Variants in MAF observed in about 807,000 individuals in gnomAD.
The protein encoded by MAF is MAF bZIP transcription factor.
MAF carries 10 observed loss-of-function variants against 22.0 expected under a neutral mutation model. That is an observed-to-expected ratio of 0.45 (90% CI 0.28 to 0.77). MAF has a LOEUF of 0.77. Among genes scored for constraint, MAF ranks in the 30% least tolerant of loss-of-function variants. The pLI, the probability that MAF is intolerant of heterozygous loss-of-function variation, is 0.12. For synonymous variants in MAF, 337 were observed against 255.8 expected (o/e 1.32, Z -3.03); for missense variants, 544 against 548.4 (o/e 0.99, Z 0.08).
chr16:79,204,752 A>T, the MAF span: 1 of 152,126 alleles, frequency 6.6e-6, no homozygotes, highest in Non-Finnish European at 1.5e-5. Context: ...ATGGCTTTGG[A>T]CGCCTTTGGG....
chr16:79,526,154 G>C, the MAF span, among the ~76,000 whole-genome samples: 9 of 152,168 alleles, frequency 5.9e-5, no homozygotes, highest in Non-Finnish European at 1.2e-4. Flanking sequence ...CTGAGAAATG[G>C]CGTTAGACCA....
chr16:79,203,871 G>C, the MAF span: 1 of 152,148 alleles, frequency 6.6e-6, no homozygotes, highest in Admixed American at 6.5e-5. Context: ...ACACGAGCTA[G>C]CTATAACCAT....
chr16:79,272,161 C>T, the MAF span, among the ~76,000 whole-genome samples: 3 of 152,204 alleles, frequency 2.0e-5, no homozygotes, highest in East Asian at 1.9e-4. Flanking sequence ...CTGATGAAAA[C>T]GTTCAGCTTG....
the MAF span, among the ~76,000 whole-genome samples, chr16:79,503,488 T>G: frequency 6.6e-6 from 1 of 152,220 alleles, no homozygotes; most frequent in East Asian, 1.9e-4. Context: ...ATCCCCAGTT[T>G]AAAATCTCTT....
At chr16:79,578,402 T>G in the MAF span, among the ~76,000 whole-genome samples, 1 of 152,280 alleles carries the variant, frequency 6.6e-6, no homozygotes, top group African/African-American at 2.4e-5. Context: ...CATGCCGATA[T>G]TTATATTGAT....
chr16:79,232,821 G>T, the MAF span, among the ~76,000 whole-genome samples: 1 of 147,224 alleles, frequency 6.8e-6, no homozygotes, highest in Middle Eastern at 3.7e-3. Flanking sequence ...AAGTGTTATT[G>T]TAAAGATAAG....
At chr16:79,225,270 C>A in the MAF span, among the ~76,000 whole-genome samples, 1 of 152,154 alleles carries the variant, frequency 6.6e-6, no homozygotes, top group South Asian at 2.1e-4. Flanking sequence ...GAAAGAATTC[C>A]CTATTTGATA....
At chr16:79,312,029 C>G in the MAF span, among the ~76,000 whole-genome samples, 1 of 152,072 alleles carries the variant, frequency 6.6e-6, no homozygotes, top group Non-Finnish European at 1.5e-5. Context: ...GAGTAGCTTG[C>G]AAAACTCTCA....
At chr16:79,485,436 GCT>G in the MAF span, among the ~76,000 whole-genome samples, 1 of 152,064 alleles carries the variant, frequency 6.6e-6, no homozygotes, top group Admixed American at 6.5e-5. Context: ...TTACACAGAT[GCT>G]CTGACTCTCC....
At chr16:79,265,869 C>T in the MAF span, among the ~76,000 whole-genome samples, 11 of 152,188 alleles carry the variant, frequency 7.2e-5, no homozygotes, top group Non-Finnish European at 1.3e-4. Flanking sequence ...AACATGAGCA[C>T]TGTGATACGC....
At chr16:79,552,460 C>T in the MAF span, among the ~76,000 whole-genome samples, 7 of 152,202 alleles carry the variant, frequency 4.6e-5, no homozygotes, top group South Asian at 2.1e-4. Context: ...CCTCCCATGT[C>T]GGCCTTCCAA....
At chr16:79,542,371 G>T in the MAF span, among the ~76,000 whole-genome samples, 2 of 152,184 alleles carry the variant, frequency 1.3e-5, no homozygotes, top group Admixed American at 6.5e-5. Flanking sequence ...ACCATGCCAC[G>T]TGGTGAGTAA....
the MAF span, among the ~76,000 whole-genome samples, chr16:79,234,370 G>A: frequency 3.0e-3 from 451 of 152,172 alleles, 10 homozygotes; most frequent in Admixed American, 0.023. Context: ...GATGATAGAA[G>A]AAATATGTTC....
the MAF span, among the ~76,000 whole-genome samples, chr16:79,456,696 T>C: frequency 6.6e-6 from 1 of 152,186 alleles, no homozygotes; most frequent in Non-Finnish European, 1.5e-5. Context: ...CAACATGACC[T>C]GAGTGTGCCT....
the MAF span, among the ~76,000 whole-genome samples, chr16:79,236,417 G>A: frequency 1.3e-5 from 2 of 151,940 alleles, no homozygotes; most frequent in Non-Finnish European, 2.9e-5. Flanking sequence ...TTGATTCCTT[G>A]GGGAAAGTCA....
At chr16:79,255,977 C>CTTTTTTTTTTTTTTTTTTTTTTTTT in the MAF span, among the ~76,000 whole-genome samples, 1 of 107,946 alleles carries the variant, frequency 9.3e-6, no homozygotes, top group Non-Finnish European at 2.0e-5. Context: ...TTTTTCTTTT[C>CTTTTTTTTTTTTTTTTTTTTTTTTT]TTTTCTTTTT....
the MAF span, among the ~76,000 whole-genome samples, chr16:79,218,484 C>G: frequency 6.6e-6 from 1 of 152,206 alleles, no homozygotes; most frequent in Non-Finnish European, 1.5e-5. Context: ...CTTGATCCAA[C>G]AGCTCCTACT....
the MAF span, among the ~76,000 whole-genome samples, chr16:79,433,277 A>ATAT: frequency 9.2e-4 from 109 of 118,944 alleles, 1 homozygote; most frequent in Admixed American, 1.7e-3. Context: ...TAAAAAAAAA[A>ATAT]ATATATATAT....
At chr16:79,473,242 G>T in the MAF span, among the ~76,000 whole-genome samples, 54,380 of 151,976 alleles carry the variant, frequency 0.36, 11,472 homozygotes, top group Middle Eastern at 0.47. Context: ...CTCTTTGCAG[G>T]TCCCAGATGT....
Sources: allele counts gnomAD v4.1 joint callset (sites outside exome capture counted in the v4.1 genomes callset), GRCh38; gene constraint gnomAD v4.1.1; transcripts MANE v1.5; gene names NCBI Gene and HGNC (gene_info 2026-07-23, HGNC 2026-07-21).